Variants in CACNA1C observed in about 807,000 individuals in gnomAD.
CACNA1C encodes the protein voltage-dependent L-type calcium channel subunit alpha-1C.
In CACNA1C, 30 loss-of-function variants were observed where a neutral mutation model predicts 229.0. The observed-to-expected ratio is 0.13, with a 90% CI of 0.10 to 0.18. The LOEUF is 0.18. Ranked by LOEUF, CACNA1C falls within the 10% of genes least tolerant of loss-of-function variation. The pLI is 1.00. For missense variants in CACNA1C, 1,658 were observed against 2,845.0 expected, an observed-to-expected ratio of 0.58 and a Z score of 9.49; for synonymous variants, 1,114 against 1,132.5, an observed-to-expected ratio of 0.98 and a Z score of 0.33.
chr12:2,497,457 A>G (rs1197120529), intron 7 of CACNA1C, among the ~76,000 whole-genome samples: 1 of 152,182 alleles, frequency 6.6e-6, no homozygotes, highest in Non-Finnish European at 1.5e-5. Flanking sequence ...GCATCACACT[A>G]GAGGATGTGT....
At chr12:2,562,027 G>A (rs892291182) in intron 11 of CACNA1C, among the ~76,000 whole-genome samples, 5 of 152,128 alleles carry the variant, frequency 3.3e-5, no homozygotes, top group African/African-American at 1.2e-4. Context: ...AGAGTGGGAG[G>A]TGCATAATTA....
intron 3 of CACNA1C, among the ~76,000 whole-genome samples, chr12:2,274,602 G>A (rs1369851274): frequency 6.6e-6 from 1 of 152,180 alleles, no homozygotes; most frequent in Non-Finnish European, 1.5e-5. Context: ...AATTCACACG[G>A]TCCCTGCATA....
Position 2,678,170 on chromosome 12 carries a change from A to G in CACNA1C, c.5091+303A>G, listed in dbSNP as rs2096918115. 6.6e-6 allele frequency among the ~76,000 whole-genome samples: 1 copy of G among 152,186 alleles called. No individual in the cohort carries two copies. The highest frequency in any genetic ancestry group is 1.5e-5 in the Non-Finnish European group (1 of 68,038). On this transcript the variant is annotated intron_variant, in intron 41 of 46. Coordinates refer to ENST00000399655, the MANE Select transcript of CACNA1C (RefSeq NM_000719.7). The surrounding 1 kb of genome is among the most constrained non-coding windows in gnomAD (Gnocchi z 4.1). ...GAAACTTCTGCATTAGAAGTTGCAG[A>G]GTGGTCACCCCTGGGGCACATCTAA...
chr12:2,635,940 T>G (rs1435008940), intron 30 of CACNA1C, among the ~76,000 whole-genome samples: 1 of 152,200 alleles, frequency 6.6e-6, no homozygotes, highest in Non-Finnish European at 1.5e-5. Flanking sequence ...TTTTTTAAAA[T>G]TAGTCTTCCT....
chr12:2,167,071 A>G (rs531626190), intron 3 of CACNA1C, among the ~76,000 whole-genome samples: 5 of 152,328 alleles, frequency 3.3e-5, no homozygotes, highest in Admixed American at 3.3e-4. Flanking sequence ...CATTCATTCA[A>G]CCCACGTTTA....
chr12:2,344,113 G>A (rs1335759403), intron 3 of CACNA1C, among the ~76,000 whole-genome samples: 3 of 152,134 alleles, frequency 2.0e-5, no homozygotes, highest in South Asian at 2.1e-4. Context: ...AAAGACTTCC[G>A]GCAGTTGAGA....
intron 3 of CACNA1C, among the ~76,000 whole-genome samples, chr12:2,126,092 C>T (rs947536251): frequency 1.3e-5 from 2 of 152,188 alleles, no homozygotes; most frequent in Non-Finnish European, 2.9e-5. Flanking sequence ...TCTTCTGTTT[C>T]CAAGAGATGA....
At chr12:2,491,583 G>T (rs2099734450) in intron 6 of CACNA1C, among the ~76,000 whole-genome samples, 2 of 151,246 alleles carry the variant, frequency 1.3e-5, no homozygotes, top group South Asian at 2.1e-4. Context: ...TAAATTATAA[G>T]TCAATAAAGC....
intron 42 of CACNA1C, chr12:2,680,602 C>T: frequency 2.6e-6 from 4 of 1,537,152 alleles, no homozygotes; most frequent in Non-Finnish European, 2.6e-6. Flanking sequence ...CCCTCCAGCT[C>T]AGAAAATAAT....
intron 3 of CACNA1C, among the ~76,000 whole-genome samples, chr12:2,422,022 C>T (rs557415906): frequency 6.6e-6 from 1 of 152,204 alleles, no homozygotes; most frequent in South Asian, 2.1e-4. Flanking sequence ...TCAGGGAAAT[C>T]TACTAATACT....
At chr12:2,023,839 C>A (rs1367617698) in intron 1 of CACNA1C, among the ~76,000 whole-genome samples, 1 of 152,056 alleles carries the variant, frequency 6.6e-6, no homozygotes. Context: ...CTTCAGAACA[C>A]CAGGGCCTGA....
Position 2,547,585 on chromosome 12 carries a change from G to A in CACNA1C, c.1391-2358G>A, listed in dbSNP as rs1599647246. 4 of 768,450 alleles carry A rather than the reference G, an allele frequency of 5.2e-6. No individual in the cohort carries two copies. The East Asian group carries it at 7.3e-5, about 14-fold the overall frequency. The allele number at this position is 768,450 out of a possible 1,614,324, so 47.6% of individuals were successfully genotyped here. A position where few individuals can be genotyped will look rare whatever the true frequency, so the allele number is the denominator to read the frequency against. On this transcript the variant is annotated intron_variant, in intron 9 of 46. Transcript: ENST00000399655. ...TGTGGGTGCATACCAGACTGAATGG[G>A]AAGGTGTCTCTCTTGATGGCTTGTG...
At position 2,454,547 on chromosome 12, in the gene CACNA1C, TTCTG is replaced by T. The variant is rs1025084624; in HGVS notation, c.618-3014_618-3011del. ...GCATTTATGCTCAGCATTCTTAGTC[TTCTG>T]TCTGTTTATCTTGCACACCTGGAAA... On this transcript the variant is annotated intron_variant, in intron 4 of 46. Coordinates refer to ENST00000399655, the MANE Select transcript of CACNA1C (RefSeq NM_000719.7). 3.8e-4 allele frequency among the ~76,000 whole-genome samples: 58 copies of T among 152,190 alleles called. 1 individual carries two copies. Among genetic ancestry groups the T allele is most frequent in the African/African-American group, 1.2e-3 (49 of 41,442 alleles).
intron 9 of CACNA1C, among the ~76,000 whole-genome samples, chr12:2,521,972 A>G (rs2154580646): frequency 6.6e-6 from 1 of 152,288 alleles, no homozygotes; most frequent in South Asian, 2.1e-4. Context: ...CTTGAACCTT[A>G]TCACTCCCTA....
At chr12:2,534,956 C>G (rs1052601495) in intron 9 of CACNA1C, among the ~76,000 whole-genome samples, 3 of 152,212 alleles carry the variant, frequency 2.0e-5, no homozygotes, top group Non-Finnish European at 4.4e-5. Context: ...TAGACATGAT[C>G]CTGAGCACTG....
At chr12:1,978,947 C>A (rs1213539029) in intron 1 of CACNA1C, among the ~76,000 whole-genome samples, 1 of 152,164 alleles carries the variant, frequency 6.6e-6, no homozygotes, top group Non-Finnish European at 1.5e-5. Flanking sequence ...TAATGGGTAT[C>A]CAGGTTATTA....
intron 10 of CACNA1C, among the ~76,000 whole-genome samples, chr12:2,556,550 AG>A (rs2044380184): frequency 6.6e-6 from 1 of 152,138 alleles, no homozygotes; most frequent in Non-Finnish European, 1.5e-5. Flanking sequence ...GACAGCTGTG[AG>A]GTCTGTGCCG....
At chr12:1,997,982 A>G in intron 1 of CACNA1C, 1 of 1,607,914 alleles carries the variant, frequency 6.2e-7, no homozygotes, top group Non-Finnish European at 8.5e-7. Flanking sequence ...TCTCCTAAAC[A>G]ATAAAAACAA....
chr12:2,369,396 T>C (rs999579645), intron 3 of CACNA1C, among the ~76,000 whole-genome samples: 5 of 135,902 alleles, frequency 3.7e-5, no homozygotes, highest in South Asian at 2.3e-4. Flanking sequence ...AAAATAACTT[T>C]ACATACCTTT....
Sources: allele counts gnomAD v4.1 joint callset (sites outside exome capture counted in the v4.1 genomes callset), GRCh38; gene constraint gnomAD v4.1.1; non-coding constraint Gnocchi (gnomAD v3.1); transcripts MANE v1.5; gene names NCBI Gene and HGNC (gene_info 2026-07-23, HGNC 2026-07-21).